Variants in ZNF521 observed in about 807,000 individuals in gnomAD.
ZNF521 encodes the protein LYST-interacting protein 3.
Under a neutral mutation model 105.5 loss-of-function variants are expected in ZNF521, and 14 were observed. That is an observed-to-expected ratio of 0.13 (90% CI 0.09 to 0.21). The LOEUF (loss-of-function observed/expected upper bound fraction) is 0.21. Ranked by LOEUF, ZNF521 falls within the 10% of genes least tolerant of loss-of-function variation. The pLI is 1.00. For synonymous variants in ZNF521, 635 were observed against 606.0 expected (o/e 1.05, Z -0.70); for missense variants, 1,233 against 1,629.7 (o/e 0.76, Z 4.19).
intron 3 of ZNF521, among the ~76,000 whole-genome samples, chr18:25,271,179 A>T (rs139125444): frequency 3.9e-5 from 6 of 152,312 alleles, no homozygotes; most frequent in Admixed American, 3.9e-4. Context: ...CAATTGCTAC[A>T]AGGAGAATAA....
chr18:25,264,174 G>T (rs1163051226), intron 3 of ZNF521, among the ~76,000 whole-genome samples: 1 of 152,118 alleles, frequency 6.6e-6, no homozygotes, highest in Admixed American at 6.5e-5. Context: ...TGTATCTCAG[G>T]AAACTATTAT....
chr18:25,233,340 TA>T lies in ZNF521; in HGVS notation c.221-5644del, dbSNP rs910815137. Among the ~76,000 whole-genome samples the T allele has an allele frequency of 2.9e-3, 436 of 148,114 alleles. 2 individuals are homozygous for T. Among genetic ancestry groups the T allele is most frequent in the African/African-American group, 6.4e-3 (263 of 40,846 alleles). ...CTTTAATAGCTATCATGCTTCTTTTTAAAAAAAAAAAATCAACAGCTCCACA... is the reference window on the plus strand; with the variant it reads ...CTTTAATAGCTATCATGCTTCTTTTTAAAAAAAAAAATCAACAGCTCCACA... On this transcript the variant is annotated intron_variant, in intron 3 of 7. Coordinates refer to ENST00000361524, the MANE Select transcript of ZNF521 (RefSeq NM_015461.3).
chr18:25,273,964 T>C (rs1434837144), intron 3 of ZNF521, among the ~76,000 whole-genome samples: 1 of 152,142 alleles, frequency 6.6e-6, no homozygotes, highest in East Asian at 1.9e-4. Context: ...AGAGGTATCA[T>C]CTCACAGACC....
At chr18:25,317,153 G>A (rs544507632) in intron 3 of ZNF521, among the ~76,000 whole-genome samples, 43 of 151,594 alleles carry the variant, frequency 2.8e-4, no homozygotes, top group Non-Finnish European at 5.3e-4. Flanking sequence ...CACGACGCCC[G>A]GCCTCTACTT....
At chr18:25,305,674 C>A (rs1839899200) in intron 3 of ZNF521, among the ~76,000 whole-genome samples, 1 of 152,120 alleles carries the variant, frequency 6.6e-6, no homozygotes, top group African/African-American at 2.4e-5. Context: ...AACAATAACA[C>A]ATTAATTCTT....
At chr18:25,313,482 C>G (rs1241988894) in intron 3 of ZNF521, among the ~76,000 whole-genome samples, 1 of 152,128 alleles carries the variant, frequency 6.6e-6, no homozygotes, top group Non-Finnish European at 1.5e-5. Context: ...TTCATCAGAG[C>G]TGACTGAAAG....
chr18:25,182,047 T>C (rs1382252354), intron 5 of ZNF521, among the ~76,000 whole-genome samples: 1 of 152,154 alleles, frequency 6.6e-6, no homozygotes, highest in Non-Finnish European at 1.5e-5. Context: ...TATTTATTTA[T>C]TATTATTATA....
At chr18:25,099,899 C>A (rs2033932681) in intron 5 of ZNF521, among the ~76,000 whole-genome samples, 1 of 152,110 alleles carries the variant, frequency 6.6e-6, no homozygotes, top group South Asian at 2.1e-4. Context: ...CTAAATGTAA[C>A]CTGCTTTAAA....
chr18:25,073,126 A>C (rs2033267628), intron 7 of ZNF521, among the ~76,000 whole-genome samples: 1 of 151,550 alleles, frequency 6.6e-6, no homozygotes, highest in Non-Finnish European at 1.5e-5. Flanking sequence ...CACACAACCA[A>C]CTCTTGCTGC....
intron 5 of ZNF521, among the ~76,000 whole-genome samples, chr18:25,168,828 G>A (rs566234557): frequency 6.6e-6 from 1 of 152,268 alleles, no homozygotes. Flanking sequence ...CTAAGTGTGA[G>A]TAAACTGGGA....
chr18:25,312,186 A>G (rs1912345378), intron 3 of ZNF521, among the ~76,000 whole-genome samples: 1 of 152,208 alleles, frequency 6.6e-6, no homozygotes, highest in Admixed American at 6.5e-5. Flanking sequence ...TTTAATTTTA[A>G]TAAGTTAATT....
chr18:25,139,098 C>T (rs1038673437), intron 5 of ZNF521, among the ~76,000 whole-genome samples: 7 of 152,000 alleles, frequency 4.6e-5, no homozygotes, highest in South Asian at 4.1e-4. Flanking sequence ...ACGCTGGGCA[C>T]GGTGGCTCAC....
At chr18:25,350,053 G>A (rs1914658237) in intron 2 of ZNF521, among the ~76,000 whole-genome samples, 1 of 151,976 alleles carries the variant, frequency 6.6e-6, no homozygotes, top group African/African-American at 2.4e-5. Context: ...GGAGGAGGAG[G>A]CCGCCACGTG....
At chr18:25,215,416 C>G (rs73407202) in intron 4 of ZNF521, among the ~76,000 whole-genome samples, 5,391 of 152,130 alleles carry the variant, frequency 0.035, 135 homozygotes, top group South Asian at 0.077. Flanking sequence ...ATCCAGACAT[C>G]CGGAATATAG....
intron 5 of ZNF521, among the ~76,000 whole-genome samples, chr18:25,106,014 TTTG>T (rs377472841): frequency 2.3e-3 from 348 of 152,142 alleles, no homozygotes; most frequent in South Asian, 0.011. Flanking sequence ...TGGTATTCGT[TTTG>T]TTGTTGTTGT....
chr18:25,217,117 G>C (rs183766202), intron 4 of ZNF521, among the ~76,000 whole-genome samples: 1 of 152,084 alleles, frequency 6.6e-6, no homozygotes, highest in Admixed American at 6.5e-5. Flanking sequence ...CTGGTGAGGC[G>C]TTGGGGTTCA....
intron 5 of ZNF521, among the ~76,000 whole-genome samples, chr18:25,116,871 GTATATATATATATATACGTA>G (rs1374147884): frequency 8.6e-5 from 12 of 138,738 alleles, no homozygotes; most frequent in Admixed American, 4.4e-4. Flanking sequence ...ATATATATAC[GTATATATATATATATACGTA>G]TATATATATG....
At chr18:25,251,046 TA>T (rs1908085482) in intron 3 of ZNF521, among the ~76,000 whole-genome samples, 1 of 152,156 alleles carries the variant, frequency 6.6e-6, no homozygotes, top group South Asian at 2.1e-4. Context: ...TTTTCTAAAA[TA>T]AAATGACAAA....
intron 3 of ZNF521, among the ~76,000 whole-genome samples, chr18:25,318,033 A>C (rs1425836651): frequency 6.6e-6 from 1 of 152,184 alleles, no homozygotes; most frequent in African/African-American, 2.4e-5. Flanking sequence ...ACTATTATGA[A>C]CTTTATTCAT....
Sources: gnomAD v4.1 joint callset for allele counts (sites outside exome capture counted in the v4.1 genomes callset) on GRCh38, gnomAD v4.1.1 for gene constraint, MANE v1.5 for transcripts, NCBI Gene and HGNC (gene_info 2026-07-23, HGNC 2026-07-21) for gene names.